Variants in CAPN12 observed in about 807,000 individuals in gnomAD.
The protein encoded by CAPN12 is calpain-12.
Under a neutral mutation model 95.0 loss-of-function variants are expected in CAPN12, and 107 were observed. The observed-to-expected ratio is 1.13, with a 90% CI of 0.96 to 1.32. The LOEUF (loss-of-function observed/expected upper bound fraction) is 1.32. Ranked by LOEUF, CAPN12 falls within the 40% of genes most tolerant of loss-of-function variation. The pLI, the probability that CAPN12 is intolerant of heterozygous loss-of-function variation, is 0.00. For missense variants in CAPN12, 1,136 were observed against 997.8 expected, an observed-to-expected ratio of 1.14 and a Z score of -1.87; for synonymous variants, 505 against 415.5, an observed-to-expected ratio of 1.22 and a Z score of -2.62.
Position 38,730,223 on chromosome 19 carries a change from A to G in CAPN12, c.*629T>C, listed in dbSNP as rs1360008600. Reference sequence around the variant, plus strand: ...TACTATTTACTTTATTAACTTACGGATTTATTATATAAATATATATTCACC... The same window carrying G: ...TACTATTTACTTTATTAACTTACGGGTTTATTATATAAATATATATTCACC... On this transcript the variant is annotated 3_prime_UTR_variant, in exon 21 of 21. Transcript: ENST00000328867. The G allele has an allele frequency of 1.3e-5, 2 of 156,708 alleles. No individual in the cohort carries two copies. Among genetic ancestry groups the G allele is most frequent in the African/African-American group, 2.4e-5 (1 of 41,352 alleles). The allele number at this position is 156,708 out of a possible 1,614,324, so 9.7% of individuals were successfully genotyped here. A position where few individuals can be genotyped will look rare whatever the true frequency, so the allele number is the denominator to read the frequency against.
At position 38,736,148 on chromosome 19, in the gene CAPN12, G is replaced by T. The variant is rs1244670752; in HGVS notation, c.1545C>A (p.Phe515Leu). 1 of 1,515,576 alleles carries T rather than the reference G, an allele frequency of 6.6e-7. No homozygotes were observed. The allele number at this position is 1,515,576 out of a possible 1,614,324, so 93.9% of individuals were successfully genotyped here. Residue 515 changes from phenylalanine to leucine, a missense_variant, in exon 12 of 21, where the codon TTC becomes TTA. Physicochemically the swap from Phe to Leu is conservative, Grantham distance 22. Transcript: ENST00000328867. ...GGCGCTCGGAGAAGACACGCAGAGT[G>T]AAGTCAGCCTCGTCGCCGGCGTGGG... ...STAHAGDEAD[F>L]TLRVFSERRH...
At position 38,730,648 on chromosome 19, in the gene CAPN12, C is replaced by T; in HGVS notation, c.*204G>A. 1 of 639,954 alleles carries T rather than the reference C, an allele frequency of 1.6e-6. No homozygotes were observed. Among genetic ancestry groups the T allele is most frequent in the East Asian group, 2.7e-5 (1 of 36,634 alleles). 39.6% of individuals were successfully genotyped at this position (639,954 alleles called of 1,614,324 possible). On this transcript the variant is annotated 3_prime_UTR_variant, in exon 21 of 21. Coordinates refer to ENST00000328867, the MANE Select transcript of CAPN12 (RefSeq NM_144691.4). The stretch of plus-strand genomic sequence containing the variant: ...AACGTGGACTAGCTCGTGTCATCTG[C>T]TCGAGAAGGGCTGTCGCTGTTCTTG...
chr19:38,738,881 C>T, intron 5 of CAPN12: 1 of 570,900 alleles, frequency 1.8e-6, no homozygotes, highest in South Asian at 2.0e-5. Flanking sequence ...CCTGTAATCC[C>T]AGCACTTAGG....
At chr19:38,734,249 G>A (rs773089992) in intron 16 of CAPN12, 45 bp from the exon 17 acceptor site, 30 of 1,610,540 alleles carry the variant, frequency 1.9e-5, no homozygotes, top group Middle Eastern at 3.3e-4. Flanking sequence ...AATCTCTCCA[G>A]AAGGGGAGGA....
At chr19:38,734,516 G>A (rs1231696637) in intron 15 of CAPN12, 127 bp from the exon 16 acceptor site, 2 of 821,720 alleles carry the variant, frequency 2.4e-6, no homozygotes, top group Non-Finnish European at 3.7e-6. Context: ...CCGAGGCACA[G>A]GGAGCCAGTG....
intron 17 of CAPN12, 109 bp downstream of exon 17, chr19:38,734,033 A>T: frequency 8.2e-7 from 1 of 1,220,794 alleles, no homozygotes; most frequent in Non-Finnish European, 1.2e-6. Context: ...AAGTCAGCCT[A>T]GTCCAGTACC....
In CAPN12 at chr19:38,730,572, C is replaced by T; in HGVS notation, c.*280G>A. On this transcript the variant is annotated 3_prime_UTR_variant, in exon 21 of 21. Transcript: ENST00000328867. ...CTTTTTTTATTTCTCCTGTGTCTGT[C>T]CTCCACCTTCTAGGAGAGCCAGGGC... is the stretch of plus-strand genomic sequence containing the variant. 1 of 543,172 alleles carries T rather than the reference C, an allele frequency of 1.8e-6. No homozygotes were observed. The highest frequency in any genetic ancestry group is 2.5e-5 in the South Asian group (1 of 39,942). 33.6% of individuals were successfully genotyped at this position (543,172 alleles called of 1,614,324 possible). A position where few individuals can be genotyped will look rare whatever the true frequency, so the allele number is the denominator to read the frequency against.
rs1202093647 is a variant in CAPN12 at position 38,730,430 on chromosome 19, CT to C, written c.*421del. On this transcript the variant is annotated 3_prime_UTR_variant, in exon 21 of 21. Coordinates refer to ENST00000328867, the MANE Select transcript of CAPN12 (RefSeq NM_144691.4). ...TGGTTGATGGTTTTGCTCCCCCTAC[CT>C]TTTTTTTTTGAGTTTATTCTGATTG... 435 of 175,596 alleles carry C rather than the reference CT, an allele frequency of 2.5e-3. No individual in the cohort carries two copies. The highest frequency in any genetic ancestry group is 5.4e-3 in the Middle Eastern group (2 of 368). The allele number at this position is 175,596 out of a possible 1,614,324, so 10.9% of individuals were successfully genotyped here. A position where few individuals can be genotyped will look rare whatever the true frequency, so the allele number is the denominator to read the frequency against.
chr19:38,732,261 C>T (rs1969678504), intron 18 of CAPN12, among the ~76,000 whole-genome samples: 1 of 152,256 alleles, frequency 6.6e-6, no homozygotes, highest in Non-Finnish European at 1.5e-5. Flanking sequence ...GGCCCAGCCT[C>T]TCCCTCTCTG....
rs1164853894 is a variant in CAPN12 at position 38,735,367 on chromosome 19, C to T, written c.1686+3G>A. 6.3e-7 allele frequency: 1 copy of T among 1,587,822 alleles called. No homozygotes were observed. Among genetic ancestry groups the T allele is most frequent in the Admixed American group, 1.7e-5 (1 of 58,068 alleles). On this transcript the variant is annotated splice_donor_region_variant and intron_variant, in intron 14 of 20. Coordinates refer to ENST00000328867, the MANE Select transcript of CAPN12 (RefSeq NM_144691.4). ...ACCCCCTCAGTCCAATCCCCCTCCT[C>T]ACCTCTCCAGCCAGCTCCTGAAACA...
intron 5 of CAPN12, chr19:38,739,127 C>T (rs1441393313): frequency 5.9e-6 from 1 of 168,740 alleles, no homozygotes; most frequent in African/African-American, 2.5e-5. Flanking sequence ...TGAGATGAGA[C>T]CCTGCCTCCA....
rs374081485 is a variant in CAPN12, at chr19:38,730,893, G to A, written c.2134-15C>T. On this transcript the variant is annotated splice_polypyrimidine_tract_variant and intron_variant, in intron 20 of 20. Transcript: ENST00000328867. The stretch of plus-strand genomic sequence containing the variant: ...ACCTCCATCCACTAAGGAAGAGAAG[G>A]AAGACAGTGGCTTGAGGCAGGGAGC... 381 of 1,551,390 alleles carry A rather than the reference G, an allele frequency of 2.5e-4. No homozygotes were observed. Among genetic ancestry groups the A allele is most frequent in the Middle Eastern group, 8.3e-4 (5 of 6,014 alleles).
In CAPN12 at chr19:38,738,634, C is replaced by T. The variant is rs1185204914; in HGVS notation, c.744G>A (p.Glu248=). 6.2e-7 allele frequency: 1 copy of T among 1,614,012 alleles called. No homozygotes were observed. Among genetic ancestry groups the T allele is most frequent in the South Asian group, 1.1e-5 (1 of 91,084 alleles). ...TTACCAGGCCCTCTTCTGTGCGGTA[C>T]TCACCCCGATCACTCTGGGCAGGGG... ...VGATALSDRG[E]YRTEEGLVKG... is the part of the protein sequence containing the mutation. Residue 248 remains glutamate, a synonymous_variant, in exon 6 of 21, where the codon GAG becomes GAA. Transcript: ENST00000328867.
At chr19:38,742,906 G>T in intron 2 of CAPN12, 127 bp downstream of exon 2, 1 of 724,572 alleles carries the variant, frequency 1.4e-6, no homozygotes, top group Non-Finnish European at 2.4e-6. Flanking sequence ...GGAGAGAGAG[G>T]CCTAGGGAGA....
intron 17 of CAPN12, 109 bp from the exon 18 acceptor site, chr19:38,733,890 G>A (rs759861031): frequency 5.2e-6 from 5 of 964,768 alleles, no homozygotes; most frequent in Non-Finnish European, 7.9e-6. Flanking sequence ...CTTTCTTCTG[G>A]TGTGGACCCC....
At chr19:38,742,289 AC>A (rs1170234643) in intron 3 of CAPN12, 120 bp downstream of exon 3, 1 of 788,572 alleles carries the variant, frequency 1.3e-6, no homozygotes, top group African/African-American at 1.8e-5. Context: ...AGATTGTGCC[AC>A]TGCACTCCAG....
rs764555606 is a variant in CAPN12, at chr19:38,737,602, G to C, written c.1002C>G (p.Thr334=). The change falls in exon 9 of 21, where the codon ACC becomes ACG. Residue 334 remains threonine, a synonymous_variant. Coordinates refer to ENST00000328867, the MANE Select transcript of CAPN12 (RefSeq NM_144691.4). The part of the protein sequence containing the change: ...ELRDFLLHFD[T]VQICSLSPEV... ...CCGGGCTCAGCGAGCAGATCTGCAC[G>C]GTGTCGAAATGGAGGAGGAAGTCCC... is the stretch of plus-strand genomic sequence containing the variant. 19 of 1,609,884 alleles carry C rather than the reference G, an allele frequency of 1.2e-5. No individual in the cohort carries two copies. The highest frequency in any genetic ancestry group is 1.6e-5 in the Non-Finnish European group (19 of 1,178,290).
Position 38,735,644 on chromosome 19 carries a change from G to GAATCGCGTGGGGTCTAGGT in CAPN12, c.1584-101_1584-100insACCTAGACCCCACGCGATT, listed in dbSNP as rs1969989150. The GAATCGCGTGGGGTCTAGGT allele has an allele frequency of 2.9e-6, 3 of 1,047,098 alleles. No individual in the cohort carries two copies. In the African/African-American group the frequency reaches 6.5e-5, roughly 23 times the overall value. 64.9% of individuals were successfully genotyped at this position (1,047,098 alleles called of 1,614,324 possible). On this transcript the variant is annotated intron_variant, in intron 12 of 20. Coordinates refer to ENST00000328867, the MANE Select transcript of CAPN12 (RefSeq NM_144691.4). ...GAGGAATCGCGTGGGGTCTAGGTAGGGACCGTGGAGCCCTGGGCTCATCCT... is the reference window on the plus strand; with the variant it reads ...GAGGAATCGCGTGGGGTCTAGGTAGGAATCGCGTGGGGTCTAGGTGACCGTGGAGCCCTGGGCTCATCCT...
Position 38,733,677 on chromosome 19 carries a change from C to G in CAPN12, c.1957+26G>C. 3.1e-6 allele frequency: 5 copies of G among 1,601,758 alleles called. No homozygotes were observed. In the South Asian group the frequency reaches 5.5e-5, roughly 18 times the overall value. The stretch of plus-strand genomic sequence containing the variant: ...TGGGAGAGAACAGGTCCTGTCCCCA[C>G]GACCACCCCAGGACCCTGTCCACAC... On this transcript the variant is annotated intron_variant, in intron 18 of 20. Coordinates refer to ENST00000328867, the MANE Select transcript of CAPN12 (RefSeq NM_144691.4).
Sources: allele counts gnomAD v4.1 joint callset (sites outside exome capture counted in the v4.1 genomes callset), GRCh38; gene constraint gnomAD v4.1.1; transcripts MANE v1.5; gene names NCBI Gene and HGNC (gene_info 2026-07-23, HGNC 2026-07-21).